BMS1: variants seen among roughly 807,000 people sequenced by gnomAD.
BMS1 encodes ribosome biogenesis protein BMS1 homolog.
In BMS1, 53 loss-of-function variants were observed where a neutral mutation model predicts 138.7. The ratio of observed to expected loss-of-function variants is 0.38; its 90% CI spans 0.31 to 0.48. The LOEUF (loss-of-function observed/expected upper bound fraction) is 0.48. Among genes scored for constraint, BMS1 ranks in the 20% least tolerant of loss-of-function variants. BMS1 has a pLI of 0.97. For missense variants in BMS1, 1,360 were observed against 1,565.5 expected (o/e 0.87, Z 2.22); for synonymous variants, 504 against 539.9 (o/e 0.93, Z 0.92).
chr10:42,782,902 G>C (rs1303627237), intron 1 of BMS1, 72 bp downstream of exon 1: 1 of 152,648 alleles, frequency 6.6e-6, no homozygotes, highest in Non-Finnish European at 1.5e-5. Context: ...ATCGCGAGTC[G>C]TGCGTGTGGG....
rs372926996 is a variant in BMS1 at position 42,796,544 on chromosome 10, G to A, written c.1300G>A (p.Gly434Arg). ...TCGAATGCGTCGGAAAGCCATTTTC[G>A]GAGATGAAGATGAATCTGGAGATAG... ...TGRMRRKAIF[G>R]DEDESGDSDD... The change falls in exon 10 of 23, where the codon GGA (glycine) becomes AGA (arginine). Residue 434 changes from glycine (G) to arginine (R), a missense_variant. By Grantham distance (125) the Gly-to-Arg change is moderately radical (BLOSUM62 -2). Coordinates refer to ENST00000374518, the MANE Select transcript of BMS1 (RefSeq NM_014753.4). 103 of 1,614,152 alleles carry A rather than the reference G, an allele frequency of 6.4e-5. No individual in the cohort carries two copies. In the South Asian group the frequency reaches 7.9e-4, roughly 12 times the overall value.
chr10:42,787,315 G>A (rs10900269), intron 4 of BMS1, 68 bp downstream of exon 4: 184,350 of 943,000 alleles, frequency 0.2, 20,550 homozygotes, highest in East Asian at 0.37. Context: ...TATTTACCCC[G>A]TGATGAAGGG....
At chr10:42,797,366 A>T in intron 10 of BMS1, 56 bp from the exon 11 acceptor site, 2 of 1,586,164 alleles carry the variant, frequency 1.3e-6, no homozygotes, top group Non-Finnish European at 1.7e-6. Flanking sequence ...GATGGATCTC[A>T]AGGGAGGGGA....
rs749515939 is a variant in BMS1, at chr10:42,797,099, A to G, written c.1855A>G (p.Lys619Glu). The G allele has an allele frequency of 8.7e-5, 141 of 1,614,148 alleles. No individual in the cohort carries two copies. Among genetic ancestry groups the G allele is most frequent in the Non-Finnish European group, 1.7e-5 (20 of 1,180,048 alleles). ...NEEAIRKKLS[K>E]PSQVSSGQKL... The stretch of plus-strand genomic sequence containing the variant: ...AGAGGCTATTAGAAAAAAGCTTTCA[A>G]AGCCTTCTCAAGTGAGCAGTGGTCA... Residue 619 changes from lysine to glutamate, a missense_variant, in exon 10 of 23, where the codon AAG becomes GAG. Physicochemically the swap from Lys to Glu is moderately conservative, Grantham distance 56. Transcript: ENST00000374518.
intron 15 of BMS1, among the ~76,000 whole-genome samples, chr10:42,818,771 C>T (rs529647800): frequency 2.0e-5 from 3 of 151,982 alleles, no homozygotes; most frequent in East Asian, 1.9e-4. Flanking sequence ...GTGAGGTGGC[C>T]GGGAGTGAGT....
chr10:42,789,104 C>T (rs1166789027), intron 4 of BMS1, among the ~76,000 whole-genome samples: 1 of 152,152 alleles, frequency 6.6e-6, no homozygotes, highest in South Asian at 2.1e-4. Context: ...TGTGTACAGG[C>T]GTGTGTAGAT....
At position 42,817,511 on chromosome 10, in the gene BMS1, C is replaced by T. The variant is rs1311354029; in HGVS notation, c.2580+17C>T. On this transcript the variant is annotated intron_variant, in intron 15 of 22. Coordinates refer to ENST00000374518, the MANE Select transcript of BMS1 (RefSeq NM_014753.4). ...CAAGCACAGGTGAGAAACCTCAGTT[C>T]CTCTCAGCCCCTTGTCAAGACTATC... 1 of 1,586,754 alleles carries T rather than the reference C, an allele frequency of 6.3e-7. No individual in the cohort carries two copies. Among genetic ancestry groups the T allele is most frequent in the Non-Finnish European group, 8.5e-7 (1 of 1,172,028 alleles).
chr10:42,790,598 A>T, intron 5 of BMS1, 87 bp downstream of exon 5: 1 of 1,405,664 alleles, frequency 7.1e-7, no homozygotes, highest in Non-Finnish European at 9.8e-7. Context: ...TAACACCTGT[A>T]ATCCCAGCAC....
At chr10:42,786,862 G>C (rs931079436) in intron 3 of BMS1, among the ~76,000 whole-genome samples, 1 of 152,178 alleles carries the variant, frequency 6.6e-6, no homozygotes, top group Non-Finnish European at 1.5e-5. Context: ...AAGACATTGG[G>C]CCTGCAGCTG....
Position 42,831,209 on chromosome 10 carries a change from C to G in BMS1, c.*113C>G, listed in dbSNP as rs551851907. 1.2e-5 allele frequency: 14 copies of G among 1,121,350 alleles called. No individual in the cohort carries two copies. Among genetic ancestry groups the G allele is most frequent in the Middle Eastern group, 3.0e-4 (1 of 3,292 alleles). The allele number at this position is 1,121,350 out of a possible 1,614,324, so 69.5% of individuals were successfully genotyped here. A position where few individuals can be genotyped will look rare whatever the true frequency, so the allele number is the denominator to read the frequency against. Reference sequence around the variant, plus strand: ...GTGGGAAAGAGCTCAAGAGATGTCTCTACTCAAACTGTGCCTGCAGGAGGA... The same window carrying G: ...GTGGGAAAGAGCTCAAGAGATGTCTGTACTCAAACTGTGCCTGCAGGAGGA... On this transcript the variant is annotated 3_prime_UTR_variant, in exon 23 of 23. Coordinates refer to ENST00000374518, the MANE Select transcript of BMS1 (RefSeq NM_014753.4).
intron 4 of BMS1, among the ~76,000 whole-genome samples, chr10:42,789,010 A>C (rs1454591643): frequency 1.3e-5 from 2 of 152,234 alleles, no homozygotes; most frequent in African/African-American, 2.4e-5. Flanking sequence ...TAATTTATTT[A>C]GCCTAGCTTA....
At chr10:42,809,425 A>C (rs201079343) in intron 13 of BMS1, among the ~76,000 whole-genome samples, 1 of 137,408 alleles carries the variant, frequency 7.3e-6, no homozygotes, top group Non-Finnish European at 1.6e-5. Context: ...TTTTTTTTTT[A>C]ATTAAATTTT....
chr10:42,802,545 A>G (rs1841901727), intron 13 of BMS1, among the ~76,000 whole-genome samples: 2 of 152,038 alleles, frequency 1.3e-5, no homozygotes, highest in Admixed American at 1.3e-4. Flanking sequence ...GGTAGTATGC[A>G]TTGTGGAAAA....
rs139468293 is a variant in BMS1, at chr10:42,785,627, C to T, written c.322C>T (p.Arg108Trp). ...ACAATGCCTCATTCGGAACTTTACCCGGCAGAAGTTGACTGAGATCAGAGG... is the reference window on the plus strand; with the variant it reads ...ACAATGCCTCATTCGGAACTTTACCTGGCAGAAGTTGACTGAGATCAGAGG... ...LIQCLIRNFT[R>W]QKLTEIRGPV... The change falls in exon 3 of 23, where the codon CGG (arginine) becomes TGG (tryptophan). Residue 108 changes from arginine to tryptophan, a missense_variant. By Grantham distance (101) the Arg-to-Trp change is moderately radical (BLOSUM62 -3). Coordinates refer to ENST00000374518, the MANE Select transcript of BMS1 (RefSeq NM_014753.4). The T allele has an allele frequency of 3.3e-5, 53 of 1,613,724 alleles. 2 individuals are homozygous for T. Among genetic ancestry groups the T allele is most frequent in the South Asian group, 1.3e-4 (12 of 91,068 alleles).
intron 21 of BMS1, among the ~76,000 whole-genome samples, chr10:42,827,076 T>C (rs1380168314): frequency 6.6e-6 from 1 of 152,110 alleles, no homozygotes; most frequent in East Asian, 1.9e-4. Flanking sequence ...TATGAATAGA[T>C]TAATGCCTTT....
Position 42,822,051 on chromosome 10 carries a change from G to T in BMS1, c.3010-11G>T, listed in dbSNP as rs111556852. 11 of 1,592,320 alleles carry T rather than the reference G, an allele frequency of 6.9e-6. No individual in the cohort carries two copies. Among genetic ancestry groups the T allele is most frequent in the Middle Eastern group, 2.3e-4 (1 of 4,440 alleles). On this transcript the variant is annotated splice_polypyrimidine_tract_variant and intron_variant, in intron 18 of 22. Coordinates refer to ENST00000374518, the MANE Select transcript of BMS1 (RefSeq NM_014753.4). Reference sequence around the variant, plus strand: ...ATTATTCCTATTTTCAAATTTTGGGGTTCCTGTTAGCCTGATTTTCGGATA... The same window carrying T: ...ATTATTCCTATTTTCAAATTTTGGGTTTCCTGTTAGCCTGATTTTCGGATA...
intron 11 of BMS1, among the ~76,000 whole-genome samples, chr10:42,797,868 CT>C (rs746791085): frequency 1.6e-4 from 25 of 152,328 alleles, no homozygotes; most frequent in East Asian, 1.5e-3. Context: ...AATGAGAACC[CT>C]GTATAACACA....
Position 42,785,529 on chromosome 10 carries a change from G to C in BMS1, c.224G>C (p.Arg75Pro). ...TKKHHIPVVD[R>P]TPLEPPPIVV... ...AAGCATCATATTCCAGTGGTTGATC[G>C]AACTCCACTAGAGCCCCCACCAATA... The change falls in exon 3 of 23, where the codon CGA becomes CCA. Residue 75 changes from arginine (R) to proline (P), a missense_variant. Physicochemically the swap from Arg to Pro is moderately radical, Grantham distance 103. Transcript: ENST00000374518. 1 of 1,613,252 alleles carries C rather than the reference G, an allele frequency of 6.2e-7. No homozygotes were observed. The highest frequency in any genetic ancestry group is 8.5e-7 in the Non-Finnish European group (1 of 1,179,488).
chr10:42,814,253 G>C (rs1307771902), intron 13 of BMS1, among the ~76,000 whole-genome samples: 1 of 152,116 alleles, frequency 6.6e-6, no homozygotes, highest in Non-Finnish European at 1.5e-5. Flanking sequence ...TGTCCCACAG[G>C]TCCGTGCAGC....
Sources: gnomAD v4.1 joint callset for allele counts (sites outside exome capture counted in the v4.1 genomes callset) on GRCh38, gnomAD v4.1.1 for gene constraint, MANE v1.5 for transcripts, NCBI Gene and HGNC (gene_info 2026-07-23, HGNC 2026-07-21) for gene names.